The following CSMD1 variants were observed in gnomAD, a reference collection of about 807,000 sequenced individuals.
CSMD1 encodes the protein CUB and Sushi multiple domains 1.
Under a neutral mutation model 417.5 loss-of-function variants are expected in CSMD1, and 213 were observed. The ratio of observed to expected loss-of-function variants is 0.51; its 90% confidence interval spans 0.46 to 0.57. The LOEUF is 0.57. CSMD1 is among the 20% of genes least tolerant of loss of function. The pLI is 0.00. For synonymous variants in CSMD1, 2,862 were observed against 1,736.8 expected (o/e 1.65, Z -16.11); for missense variants, 6,923 against 4,529.7 (o/e 1.53, Z -15.17).
intron 26 of CSMD1, among the ~76,000 whole-genome samples, chr8:3,280,280 T>C (rs1429563977): frequency 6.6e-6 from 1 of 152,188 alleles, no homozygotes; most frequent in East Asian, 1.9e-4. Flanking sequence ...AAGACAGAAA[T>C]GTCCTTAGAA....
At chr8:4,131,687 T>C (rs954923683) in intron 3 of CSMD1, among the ~76,000 whole-genome samples, 1 of 150,646 alleles carries the variant, frequency 6.6e-6, no homozygotes, top group Admixed American at 6.6e-5. Context: ...ATTTATTGCA[T>C]CCCTTGCAAA....
At chr8:4,086,294 A>G (rs747959737) in intron 3 of CSMD1, among the ~76,000 whole-genome samples, 1 of 152,192 alleles carries the variant, frequency 6.6e-6, no homozygotes, top group Non-Finnish European at 1.5e-5. Flanking sequence ...GAGGCCACAA[A>G]AACAGTCATC....
chr8:4,738,546 G>C (rs549611358), intron 1 of CSMD1, among the ~76,000 whole-genome samples: 1 of 151,924 alleles, frequency 6.6e-6, no homozygotes, highest in Non-Finnish European at 1.5e-5. Context: ...CCCATAACAG[G>C]GGAACTACAA....
chr8:4,974,365 A>G (rs967049139), intron 1 of CSMD1, among the ~76,000 whole-genome samples: 8 of 152,146 alleles, frequency 5.3e-5, no homozygotes, highest in Non-Finnish European at 1.2e-4. Flanking sequence ...GTTAGCACTT[A>G]GCTGCAATAT....
intron 12 of CSMD1, among the ~76,000 whole-genome samples, chr8:3,427,424 A>G (rs1316015872): frequency 6.6e-6 from 1 of 152,172 alleles, no homozygotes. Context: ...AAATTTAACA[A>G]TATGTAATGA....
At chr8:4,166,813 A>C (rs1797484025) in intron 3 of CSMD1, among the ~76,000 whole-genome samples, 1 of 152,222 alleles carries the variant, frequency 6.6e-6, no homozygotes, top group Non-Finnish European at 1.5e-5. Flanking sequence ...TAATGAGACA[A>C]TATTTTACAC....
intron 5 of CSMD1, among the ~76,000 whole-genome samples, chr8:3,785,522 G>C (rs568440296): frequency 6.6e-6 from 1 of 152,332 alleles, no homozygotes; most frequent in South Asian, 2.1e-4. Context: ...AAACACCTAG[G>C]TGTACTTCCA....
intron 3 of CSMD1, among the ~76,000 whole-genome samples, chr8:4,132,418 C>G (rs1261418632): frequency 2.0e-5 from 3 of 151,810 alleles, no homozygotes; most frequent in Non-Finnish European, 4.4e-5. Flanking sequence ...TGATGTTTAC[C>G]CATAGAAACT....
chr8:4,090,158 G>C (rs1390542123), intron 3 of CSMD1, among the ~76,000 whole-genome samples: 4 of 152,146 alleles, frequency 2.6e-5, no homozygotes, highest in Non-Finnish European at 4.4e-5. Context: ...TAATTGGCTT[G>C]ATACTGTTTT....
chr8:4,170,694 A>G lies in CSMD1; in HGVS notation c.416-138595T>C, dbSNP rs543060968. On this transcript the variant is annotated intron_variant, in intron 3 of 69. Transcript: ENST00000635120. ...TTGGAGGAGCTAGAACTCTGACAAA[A>G]GTAAACTGATATAGCTAGCATGTGG... is the stretch of plus-strand genomic sequence containing the variant. Among the ~76,000 whole-genome samples, 136 of 152,018 alleles carry G rather than the reference A, an allele frequency of 8.9e-4. 2 individuals carry two copies. Among genetic ancestry groups the G allele is most frequent in the African/African-American group, 3.2e-3 (134 of 41,274 alleles).
Position 4,957,164 on chromosome 8 carries a change from G to C in CSMD1, c.85+37168C>G, listed in dbSNP as rs150038802. ...TCTGGCAATTAGGTAAAAACAGTTT[G>C]TGACAACTGAAAAACACTGACCTGT... is the stretch of plus-strand genomic sequence containing the variant. On this transcript the variant is annotated intron_variant, in intron 1 of 69. Coordinates refer to ENST00000635120, the MANE Select transcript of CSMD1 (RefSeq NM_033225.6). Among the ~76,000 whole-genome samples, 597 of 152,318 alleles carry C rather than the reference G, an allele frequency of 3.9e-3. 4 individuals carry two copies. Among genetic ancestry groups the C allele is most frequent in the East Asian group, 4.6e-3 (24 of 5,186 alleles).
chr8:4,301,222 C>A (rs560490483), intron 3 of CSMD1, among the ~76,000 whole-genome samples: 1 of 152,226 alleles, frequency 6.6e-6, no homozygotes, highest in African/African-American at 2.4e-5. Context: ...GCTAGTTTGT[C>A]AAAACAATCT....
At chr8:4,335,670 G>A (rs954796747) in intron 3 of CSMD1, among the ~76,000 whole-genome samples, 6 of 152,092 alleles carry the variant, frequency 3.9e-5, no homozygotes, top group Admixed American at 3.9e-4. Flanking sequence ...GGAGCATGAA[G>A]TATATTGTGC....
At chr8:4,968,028 A>C (rs1375949894) in intron 1 of CSMD1, among the ~76,000 whole-genome samples, 1 of 152,206 alleles carries the variant, frequency 6.6e-6, no homozygotes, top group Admixed American at 6.5e-5. Context: ...ATTGAATCTG[A>C]CAAATAAACC....
intron 10 of CSMD1, among the ~76,000 whole-genome samples, chr8:3,551,056 C>T (rs776620581): frequency 2.0e-5 from 3 of 152,160 alleles, no homozygotes; most frequent in Non-Finnish European, 2.9e-5. Context: ...TTGCCACTCT[C>T]ACCATGCTGT....
At chr8:3,366,727 T>C (rs1337241315) in intron 20 of CSMD1, among the ~76,000 whole-genome samples, 4 of 152,046 alleles carry the variant, frequency 2.6e-5, no homozygotes, top group Admixed American at 6.6e-5. Flanking sequence ...TCTTGTAGAG[T>C]TGGTGAAGAG....
At chr8:4,226,273 T>C (rs1351747056) in intron 3 of CSMD1, among the ~76,000 whole-genome samples, 1 of 152,186 alleles carries the variant, frequency 6.6e-6, no homozygotes, top group Non-Finnish European at 1.5e-5. Context: ...TCAAAAGTAT[T>C]TGGGTATTTG....
At chr8:4,584,380 G>C (rs927025260) in intron 2 of CSMD1, among the ~76,000 whole-genome samples, 1 of 152,068 alleles carries the variant, frequency 6.6e-6, no homozygotes, top group Non-Finnish European at 1.5e-5. Flanking sequence ...CCTTTCGCTT[G>C]CTATTCTGTC....
At chr8:4,115,882 C>A (rs10282838) in intron 3 of CSMD1, among the ~76,000 whole-genome samples, 1 of 152,018 alleles carries the variant, frequency 6.6e-6, no homozygotes, top group Non-Finnish European at 1.5e-5. Context: ...TCTGGGAAAA[C>A]AGGAAGACAG....
Sources: allele counts gnomAD v4.1 joint callset (sites outside exome capture counted in the v4.1 genomes callset), GRCh38; gene constraint gnomAD v4.1.1; transcripts MANE v1.5; gene names NCBI Gene and HGNC (gene_info 2026-07-23, HGNC 2026-07-21).